TPD52: variants seen among roughly 807,000 people sequenced by gnomAD.
TPD52 encodes tumor protein D52, also known as prostate and colon associated protein.
A neutral mutation model predicts 31.3 loss-of-function variants in TPD52; 17 were observed. The observed-to-expected ratio is 0.54, with a 90% CI of 0.37 to 0.82. The LOEUF is 0.82. Ranked by LOEUF, TPD52 falls within the 40% of genes least tolerant of loss-of-function variation. The pLI, the probability that TPD52 is intolerant of heterozygous loss-of-function variation, is 0.00. For synonymous variants in TPD52, 83 were observed against 89.6 expected (o/e 0.93, Z 0.42); for missense variants, 212 against 240.1 (o/e 0.88, Z 0.77).
chr8:80,153,909 A>G (rs1333467132), intron 1 of TPD52, among the ~76,000 whole-genome samples: 1 of 152,324 alleles, frequency 6.6e-6, no homozygotes, highest in East Asian at 1.9e-4. Context: ...CAAATAAAAT[A>G]CCTTTCTTTC....
At chr8:80,071,384 C>T (rs1018410003) in intron 1 of TPD52, among the ~76,000 whole-genome samples, 1 of 152,086 alleles carries the variant, frequency 6.6e-6, no homozygotes, top group Non-Finnish European at 1.5e-5. Context: ...GTTCCATGCC[C>T]TATAACTTGT....
Position 80,059,321 on chromosome 8 carries a change from T to C in TPD52, c.135+5157A>G, listed in dbSNP as rs148551977. On this transcript the variant is annotated intron_variant, in intron 2 of 7. Coordinates refer to ENST00000518937, the MANE Select transcript of TPD52 (RefSeq NM_001025253.3). Reference sequence around the variant, plus strand: ...CAGTTGAAGAACTGTCAGTAAGAAATGTATAGTTATAAATGCCTACATTAA... The same window carrying C: ...CAGTTGAAGAACTGTCAGTAAGAAACGTATAGTTATAAATGCCTACATTAA... Among the ~76,000 whole-genome samples the C allele has an allele frequency of 9.7e-4, 148 of 151,998 alleles. 2 individuals carry two copies. Among genetic ancestry groups the C allele is most frequent in the African/African-American group, 3.5e-3 (144 of 41,468 alleles).
intron 1 of TPD52, among the ~76,000 whole-genome samples, chr8:80,103,693 T>C (rs1045803118): frequency 6.6e-6 from 1 of 152,178 alleles, no homozygotes; most frequent in Non-Finnish European, 1.5e-5. Context: ...ATTCTAACAC[T>C]AGCGTCAAGT....
chr8:80,161,948 C>T (rs532238682), intron 1 of TPD52, among the ~76,000 whole-genome samples: 4 of 152,120 alleles, frequency 2.6e-5, no homozygotes, highest in South Asian at 4.2e-4. Context: ...AGGCTGGCCT[C>T]GAACTCCTGA....
chr8:80,154,962 T>G (rs146916122), intron 1 of TPD52, among the ~76,000 whole-genome samples: 5 of 151,524 alleles, frequency 3.3e-5, no homozygotes, highest in South Asian at 4.2e-4. Flanking sequence ...GTTTTGTTTG[T>G]TTGGTTGGTT....
chr8:80,044,333 A>G (rs1211437052), intron 5 of TPD52, 125 bp from the exon 6 acceptor site: 5 of 721,518 alleles, frequency 6.9e-6, no homozygotes, highest in African/African-American at 1.9e-5. Flanking sequence ...AGAATTACCT[A>G]CTTTTTGAGG....
chr8:80,075,477 A>G (rs1250057082), intron 1 of TPD52, among the ~76,000 whole-genome samples: 3 of 152,254 alleles, frequency 2.0e-5, no homozygotes, highest in Non-Finnish European at 4.4e-5. Flanking sequence ...CTTCACAGAA[A>G]GAGTGGACAA....
Position 80,072,197 on chromosome 8 carries a change from A to G in TPD52, c.20-7604T>C, listed in dbSNP as rs193276357. On this transcript the variant is annotated intron_variant, in intron 1 of 7. Transcript: ENST00000518937. ...GTGGCGTGCACCTGTAGTCCCAACT[A>G]CTCATGAGGCTGAGGCAGGAGAATC... is the stretch of plus-strand genomic sequence containing the variant. Among the ~76,000 whole-genome samples, 68 of 152,132 alleles carry G rather than the reference A, an allele frequency of 4.5e-4. 1 individual carries two copies. The highest frequency in any genetic ancestry group is 6.9e-4 in the Non-Finnish European group (47 of 67,988).
intron 1 of TPD52, among the ~76,000 whole-genome samples, chr8:80,166,542 A>AT (rs551952759): frequency 1.1e-3 from 168 of 151,656 alleles, no homozygotes; most frequent in African/African-American, 3.9e-3. Context: ...ATTAAAGTGT[A>AT]TTTTTTAAAT....
chr8:80,131,464 G>GT (rs1164291651), intron 1 of TPD52, among the ~76,000 whole-genome samples: 2 of 152,102 alleles, frequency 1.3e-5, no homozygotes, highest in Non-Finnish European at 2.9e-5. Context: ...CTGTATCCAG[G>GT]TATCTTCAAA....
Position 80,060,336 on chromosome 8 carries a change from T to C in TPD52, c.135+4142A>G, listed in dbSNP as rs920588927. 2.0e-5 allele frequency among the ~76,000 whole-genome samples: 3 copies of C among 147,310 alleles called. No individual in the cohort carries two copies. In the South Asian group the frequency reaches 6.5e-4, roughly 32 times the overall value. On this transcript the variant is annotated intron_variant, in intron 2 of 7. Transcript: ENST00000518937. ...AAATGACTAAACTGACCCAACAAAA[T>C]AGAAGAAATCTGAACAAGTAAAGAG...
intron 1 of TPD52, among the ~76,000 whole-genome samples, chr8:80,091,424 G>A (rs1304767634): frequency 3.3e-5 from 5 of 150,296 alleles, no homozygotes; most frequent in Non-Finnish European, 7.4e-5. Flanking sequence ...AGCCGAGATC[G>A]CGCCACTGCG....
intron 1 of TPD52, among the ~76,000 whole-genome samples, chr8:80,164,670 G>A (rs539463144): frequency 4.1e-4 from 62 of 152,180 alleles, no homozygotes; most frequent in African/African-American, 1.5e-3. Flanking sequence ...GATCACTTGA[G>A]GCCACAAGTT....
At chr8:80,041,847 TG>T (rs1038934290) in intron 7 of TPD52, among the ~76,000 whole-genome samples, 1 of 152,146 alleles carries the variant, frequency 6.6e-6, no homozygotes, top group African/African-American at 2.4e-5. Flanking sequence ...CCCAGCACTT[TG>T]GGAGGCCGAG....
At position 80,036,607 on chromosome 8, in the gene TPD52, T is replaced by G. The variant is rs1809928763; in HGVS notation, c.*1509A>C. 6.6e-6 allele frequency: 1 copy of G among 152,666 alleles called. No individual in the cohort carries two copies. The allele number at this position is 152,666 out of a possible 1,614,324, so 9.5% of individuals were successfully genotyped here. ...ACCTATACTACTGATAGATGGAATT[T>G]ATTAAGCTTTTCACATGTGATAGCA... On this transcript the variant is annotated 3_prime_UTR_variant, in exon 8 of 8. Transcript: ENST00000518937.
chr8:80,086,134 T>G (rs1172671849), intron 1 of TPD52, among the ~76,000 whole-genome samples: 1 of 146,568 alleles, frequency 6.8e-6, no homozygotes, highest in East Asian at 2.0e-4. Context: ...TTTTTTTTTT[T>G]TTGAGACGGA....
At chr8:80,147,697 C>T (rs992214612) in intron 1 of TPD52, among the ~76,000 whole-genome samples, 19 of 151,928 alleles carry the variant, frequency 1.3e-4, no homozygotes, top group Non-Finnish European at 1.8e-4. Context: ...AGGGCAAAGG[C>T]GACAAAAAAG....
chr8:80,081,756 ATTTG>A (rs1815314478), intron 1 of TPD52, among the ~76,000 whole-genome samples: 1 of 150,484 alleles, frequency 6.6e-6, no homozygotes, highest in Non-Finnish European at 1.5e-5. Flanking sequence ...GGATGATTTT[ATTTG>A]TTATTTTTGT....
intron 1 of TPD52, chr8:80,080,630 G>C: frequency 7.4e-7 from 1 of 1,354,090 alleles, no homozygotes. Flanking sequence ...GAGCCTTCAC[G>C]CCCCTCCTGA....
Sources: gnomAD v4.1 joint callset for allele counts (sites outside exome capture counted in the v4.1 genomes callset) on GRCh38, gnomAD v4.1.1 for gene constraint, MANE v1.5 for transcripts, NCBI Gene and HGNC (gene_info 2026-07-23, HGNC 2026-07-21) for gene names.